KIAA1614: variants seen among roughly 807,000 people sequenced by gnomAD.
KIAA1614 encodes uncharacterized protein KIAA1614.
A neutral mutation model predicts 88.7 loss-of-function variants in KIAA1614; 76 were observed. The ratio of observed to expected loss-of-function variants is 0.86; its 90% CI spans 0.71 to 1.04. The LOEUF (loss-of-function observed/expected upper bound fraction) is 1.04, where lower values mean the gene tolerates loss of function less well. KIAA1614 is among the 50% of genes least tolerant of loss of function. KIAA1614 has a pLI of 0.00. For synonymous variants in KIAA1614, 714 were observed against 675.5 expected, an observed-to-expected ratio of 1.06 and a Z score of -0.88; for missense variants, 1,553 against 1,582.5, an observed-to-expected ratio of 0.98 and a Z score of 0.32.
Position 180,916,948 on chromosome 1 carries a change from A to G in KIAA1614, c.845A>G (p.Glu282Gly). Residue 282 changes from glutamate to glycine, a missense_variant, in exon 2 of 9, where the codon GAG (glutamate) becomes GGG (glycine). Transcript: ENST00000367588. The part of the protein sequence containing the change: ...LGERWRAGDL[E>G]ALGAGSSVLS... ...GAGCGCTGGAGAGCTGGAGACCTGG[A>G]GGCTCTGGGCGCTGGGAGCAGTGTC... 1 of 1,614,190 alleles carries G rather than the reference A, an allele frequency of 6.2e-7. No individual in the cohort carries two copies.
intron 3 of KIAA1614, among the ~76,000 whole-genome samples, chr1:180,918,462 C>T (rs546440091): frequency 4.6e-5 from 7 of 152,124 alleles, no homozygotes; most frequent in African/African-American, 1.4e-4. Context: ...CAAGGTGTAG[C>T]GGGGGAATTG....
intron 3 of KIAA1614, among the ~76,000 whole-genome samples, chr1:180,921,784 G>A (rs1391801615): frequency 6.6e-6 from 1 of 152,212 alleles, no homozygotes; most frequent in African/African-American, 2.4e-5. Flanking sequence ...GAGACGTTGG[G>A]CCTCACAGAG....
Position 180,936,241 on chromosome 1 carries a change from C to T in KIAA1614, c.2332C>T (p.Pro778Ser), listed in dbSNP as rs200156750. The change falls in exon 5 of 9, where the codon CCT becomes TCT. Residue 778 changes from proline to serine, a missense_variant. Coordinates refer to ENST00000367588, the MANE Select transcript of KIAA1614 (RefSeq NM_020950.2). ...ESHESLEIVS[P>S]SSLQQSHAEP... ...CCACGAGTCCCTGGAAATTGTCTCT[C>T]CTTCCTCCCTGCAACAGAGCCATGC... The T allele has an allele frequency of 5.0e-6, 8 of 1,614,220 alleles. No individual in the cohort carries two copies. Among genetic ancestry groups the T allele is most frequent in the Non-Finnish European group, 5.9e-6 (7 of 1,180,034 alleles).
intron 3 of KIAA1614, among the ~76,000 whole-genome samples, chr1:180,923,186 T>C (rs537954307): frequency 1.4e-3 from 215 of 152,326 alleles, no homozygotes; most frequent in Non-Finnish European, 2.7e-3. Context: ...GGCCTCATTA[T>C]GTAGGCATGA....
Position 180,950,201 on chromosome 1 carries a change from A to G in KIAA1614, c.*4613A>G. ...TAATGAGGGGTGTGTGTATGTGTGC[A>G]TGCGCACAGAGAAGTGCCTGGTATG... On this transcript the variant is annotated 3_prime_UTR_variant, in exon 9 of 9. Transcript: ENST00000367588. The G allele has an allele frequency of 2.8e-6, 1 of 353,958 alleles. No homozygotes were observed. The highest frequency in any genetic ancestry group is 4.7e-6 in the Non-Finnish European group (1 of 213,072). 21.9% of individuals were successfully genotyped at this position (353,958 alleles called of 1,614,324 possible). A position where few individuals can be genotyped will look rare whatever the true frequency, so the allele number is the denominator to read the frequency against.
intron 5 of KIAA1614, 101 bp downstream of exon 5, chr1:180,936,771 C>G: frequency 2.7e-6 from 2 of 741,876 alleles, no homozygotes; most frequent in South Asian, 4.4e-5. Context: ...AGAGTCATTC[C>G]CTTTTATCTC....
chr1:180,920,979 C>T, intron 3 of KIAA1614, among the ~76,000 whole-genome samples: 1 of 152,242 alleles, frequency 6.6e-6, no homozygotes, highest in East Asian at 1.9e-4. Flanking sequence ...ATGCTAAGTG[C>T]TGTTCCTTCT....
Position 180,943,034 on chromosome 1 carries a change from T to TGTTTGTTTGTTTG in KIAA1614, c.3160-1355_3160-1354insGTTTGTTTGTTTG, listed in dbSNP as rs75163385. Among the ~76,000 whole-genome samples, 802 of 139,578 alleles carry TGTTTGTTTGTTTG rather than the reference T, an allele frequency of 5.7e-3. 12 individuals carry two copies. Among genetic ancestry groups the TGTTTGTTTGTTTG allele is most frequent in the African/African-American group, 0.022 (735 of 33,214 alleles). 91.6% of individuals were successfully genotyped at this position (139,578 alleles called of 152,430 possible). ...GGGAGGCTTAGTTTTTTGGGTTTTT[T>TGTTTGTTTGTTTG]TTTTTTTTTTAAGATGGAGTCTCAC... On this transcript the variant is annotated intron_variant, in intron 7 of 8. Transcript: ENST00000367588.
intron 4 of KIAA1614, among the ~76,000 whole-genome samples, chr1:180,931,585 G>C (rs1654198174): frequency 6.6e-6 from 1 of 152,238 alleles, no homozygotes; most frequent in South Asian, 2.1e-4. Context: ...TGCTGACACT[G>C]CTAGTGGGGC....
intron 6 of KIAA1614, among the ~76,000 whole-genome samples, chr1:180,940,556 A>G (rs1437086685): frequency 6.6e-6 from 1 of 152,142 alleles, no homozygotes; most frequent in Non-Finnish European, 1.5e-5. Flanking sequence ...TGAGCTGAGT[A>G]TTATGGCGGG....
In KIAA1614 at chr1:180,941,246, G is replaced by A. The variant is rs747151229; in HGVS notation, c.3120G>A (p.Thr1040=). ...TGCAGCCCGCCCCGCCTGGCCTGAC[G>A]TCACAGTCCAGGGCCCCATCGTTAC... is the stretch of plus-strand genomic sequence containing the variant. The part of the protein sequence containing the change: ...EQLQPAPPGL[T]SQSRAPSLQS... Residue 1040 remains threonine (T), a synonymous_variant, in exon 7 of 9, where the codon ACG becomes ACA. Transcript: ENST00000367588. 15 of 1,613,708 alleles carry A rather than the reference G, an allele frequency of 9.3e-6. No homozygotes were observed. The highest frequency in any genetic ancestry group is 3.3e-4 in the Middle Eastern group (2 of 6,050).
In KIAA1614 at chr1:180,945,504, T is replaced by A. The variant is rs768858582; in HGVS notation, c.3489T>A (p.Leu1163=). 1 of 1,613,498 alleles carries A rather than the reference T, an allele frequency of 6.2e-7. No homozygotes were observed. ...GRPDSGMPSP[L]PQPHGWGGLS... is the part of the protein sequence containing the mutation. ...CAGACTCAGGTATGCCCTCTCCTCT[T>A]CCTCAGCCCCATGGCTGGGGCGGCC... The change falls in exon 9 of 9, where the codon CTT becomes CTA. Residue 1163 remains leucine, a synonymous_variant. Coordinates refer to ENST00000367588, the MANE Select transcript of KIAA1614 (RefSeq NM_020950.2).
At position 180,948,077 on chromosome 1, in the gene KIAA1614, C is replaced by G. The variant is rs1196449652; in HGVS notation, c.*2489C>G. On this transcript the variant is annotated 3_prime_UTR_variant, in exon 9 of 9. Transcript: ENST00000367588. ...GTCTCTAGTGACCCAGGGCCCCCGG[C>G]ACCCTCGCCTGAGTTGGTGCCAGCT... 1 of 152,280 alleles carries G rather than the reference C, an allele frequency of 6.6e-6. No homozygotes were observed. The highest frequency in any genetic ancestry group is 1.5e-5 in the Non-Finnish European group (1 of 68,086). 9.4% of individuals were successfully genotyped at this position (152,280 alleles called of 1,614,324 possible).
chr1:180,931,844 C>T (rs912230655), intron 4 of KIAA1614, among the ~76,000 whole-genome samples: 12 of 152,272 alleles, frequency 7.9e-5, no homozygotes, highest in Non-Finnish European at 1.3e-4. Flanking sequence ...ATCCTGCCAG[C>T]GGACAGGGCA....
Position 180,936,160 on chromosome 1 carries a change from G to A in KIAA1614, c.2251G>A (p.Ala751Thr), listed in dbSNP as rs758670383. The A allele has an allele frequency of 5.0e-6, 8 of 1,613,962 alleles. No individual in the cohort carries two copies. The highest frequency in any genetic ancestry group is 2.2e-5 in the East Asian group (1 of 44,892). ...ATGCAGGACAGCCTATGCCACCACC[G>A]CCCCCATGACGCCTGAATCATCGGG... ...TPCRTAYATTAPMTPESSGPG... is the reference protein window; with the variant it reads ...TPCRTAYATTTPMTPESSGPG... The change falls in exon 5 of 9, where the codon GCC becomes ACC. Residue 751 changes from alanine to threonine, a missense_variant. By Grantham distance (58) the Ala-to-Thr change is moderately conservative (BLOSUM62 0). Transcript: ENST00000367588.
Position 180,916,601 on chromosome 1 carries a change from C to A in KIAA1614, c.498C>A (p.Gly166=). 1 of 1,603,476 alleles carries A rather than the reference C, an allele frequency of 6.2e-7. No homozygotes were observed. Among genetic ancestry groups the A allele is most frequent in the Non-Finnish European group, 8.5e-7 (1 of 1,173,948 alleles). ...AGGAGCAACCCGCCAGGGATGGAGG[C>A]CCCAGGCTTCCCAGGCCGCCTGCCC... ...INEEQPARDG[G]PRLPRPPAPG... Residue 166 remains glycine (G), a synonymous_variant, in exon 2 of 9, where the codon GGC becomes GGA. Transcript: ENST00000367588.
intron 4 of KIAA1614, among the ~76,000 whole-genome samples, chr1:180,932,033 T>C (rs1654208846): frequency 6.6e-6 from 1 of 152,072 alleles, no homozygotes; most frequent in African/African-American, 2.4e-5. Context: ...AGCATGCTTC[T>C]GAAGAGCTCA....
chr1:180,927,716 C>A (rs1346618607), intron 3 of KIAA1614, among the ~76,000 whole-genome samples: 1 of 152,130 alleles, frequency 6.6e-6, no homozygotes, highest in Non-Finnish European at 1.5e-5. Flanking sequence ...GGCAGCACAT[C>A]TGGTAGGGGG....
At chr1:180,919,690 C>T (rs764621055) in intron 3 of KIAA1614, among the ~76,000 whole-genome samples, 6 of 152,068 alleles carry the variant, frequency 3.9e-5, no homozygotes, top group South Asian at 4.2e-4. Context: ...CCTGACAGCC[C>T]GTTGGATACT....
Sources: allele counts gnomAD v4.1 joint callset (sites outside exome capture counted in the v4.1 genomes callset), GRCh38; gene constraint gnomAD v4.1.1; transcripts MANE v1.5; gene names NCBI Gene and HGNC (gene_info 2026-07-23, HGNC 2026-07-21).